Variants in SLC35D2 observed in about 807,000 individuals in gnomAD.
The protein encoded by SLC35D2 is nucleotide sugar transporter SLC35D2.
A neutral mutation model predicts 41.8 loss-of-function variants in SLC35D2; 43 were observed. The observed-to-expected ratio is 1.03, with a 90% CI of 0.81 to 1.33. The LOEUF is 1.33. Ranked by LOEUF, SLC35D2 falls within the 40% of genes most tolerant of loss-of-function variation. The pLI, the probability that SLC35D2 is intolerant of heterozygous loss-of-function variation, is 0.00. For synonymous variants in SLC35D2, 150 were observed against 163.9 expected (o/e 0.92, Z 0.65); for missense variants, 380 against 408.4 (o/e 0.93, Z 0.60).
chr9:96,319,699 C>T (rs1828143276), downstream of SLC35D2, among the ~76,000 whole-genome samples: 1 of 151,994 alleles, frequency 6.6e-6, no homozygotes, highest in African/African-American at 2.4e-5. Context: ...ATGTTTCGGC[C>T]ATGTTACCCA....
intron 6 of SLC35D2, among the ~76,000 whole-genome samples, chr9:96,348,494 G>A (rs990485358): frequency 1.3e-5 from 2 of 152,170 alleles, no homozygotes; most frequent in African/African-American, 2.4e-5. Flanking sequence ...AGCTACTGCC[G>A]TGTGGAGGTT....
At chr9:96,362,644 T>C (rs1330751817) in intron 3 of SLC35D2, among the ~76,000 whole-genome samples, 2 of 152,152 alleles carry the variant, frequency 1.3e-5, no homozygotes, top group Non-Finnish European at 2.9e-5. Context: ...ACCTAAATAA[T>C]GGTTTACAAG....
rs762112743 is a variant in SLC35D2 at position 96,383,503 on chromosome 9, GACAAGC to G, written c.126_131del (p.Leu43_Val44del). On this transcript the variant is annotated inframe_deletion, in exon 1 of 12. Coordinates refer to ENST00000253270, the MANE Select transcript of SLC35D2 (RefSeq NM_007001.3). ...CGTAGGTGGTCAGCAGCGCCTTGTT[GACAAGC>G]ACGATGAGGAAGGAGCAGGTCCCGT... 10 of 1,537,374 alleles carry G rather than the reference GACAAGC, an allele frequency of 6.5e-6. No homozygotes were observed. In the African/African-American group the frequency reaches 1.4e-4, roughly 22 times the overall value.
downstream of SLC35D2, among the ~76,000 whole-genome samples, chr9:96,318,966 A>T (rs1828122773): frequency 6.6e-6 from 1 of 152,236 alleles, no homozygotes; most frequent in Admixed American, 6.5e-5. Context: ...GCAGGTCCTC[A>T]AAAACCTAAA....
chr9:96,373,685 CA>C (rs11315245), intron 1 of SLC35D2, among the ~76,000 whole-genome samples: 31,745 of 114,028 alleles, frequency 0.28, 4,740 homozygotes, highest in African/African-American at 0.5. Context: ...AAGACTCTCT[CA>C]AAAAAAAAAA....
At chr9:96,366,388 T>C (rs957311938) in intron 2 of SLC35D2, among the ~76,000 whole-genome samples, 18 of 151,806 alleles carry the variant, frequency 1.2e-4, no homozygotes, top group Middle Eastern at 3.4e-3. Context: ...ACTTTTAAAA[T>C]TAGATCTAAC....
chr9:96,380,187 G>A (rs113385822), intron 1 of SLC35D2, among the ~76,000 whole-genome samples: 2,852 of 152,040 alleles, frequency 0.019, 82 homozygotes, highest in African/African-American at 0.065. Context: ...GTGAGCCACC[G>A]CGCCCGGCCC....
At chr9:96,360,474 C>T (rs1043111399) in intron 3 of SLC35D2, among the ~76,000 whole-genome samples, 1 of 151,336 alleles carries the variant, frequency 6.6e-6, no homozygotes, top group Non-Finnish European at 1.5e-5. Context: ...ACTAAAAATA[C>T]AAAAATTAAT....
chr9:96,331,073 T>A (rs575506665), intron 9 of SLC35D2, among the ~76,000 whole-genome samples: 27 of 152,296 alleles, frequency 1.8e-4, no homozygotes, highest in African/African-American at 6.5e-4. Flanking sequence ...GATTTTTGTA[T>A]ATTTAGTAGA....
chr9:96,344,167 A>G (rs1310085157), intron 7 of SLC35D2, among the ~76,000 whole-genome samples, 171 bp from the exon 8 acceptor site: 2 of 152,186 alleles, frequency 1.3e-5, no homozygotes, highest in African/African-American at 4.8e-5. Flanking sequence ...GTTTGAGGGT[A>G]CTGAGATTTT....
intron 4 of SLC35D2, chr9:96,357,444 A>T (rs1830072921): frequency 6.6e-6 from 1 of 152,104 alleles, no homozygotes. Context: ...GCTGAGGTGG[A>T]GAATCATTTG....
intron 8 of SLC35D2, among the ~76,000 whole-genome samples, 168 bp downstream of exon 8, chr9:96,343,736 A>G (rs1829442941): frequency 6.6e-6 from 1 of 152,216 alleles, no homozygotes; most frequent in Non-Finnish European, 1.5e-5. Flanking sequence ...TGCCAATGCA[A>G]GGGTAGTGCC....
At chr9:96,344,623 G>A (rs1279485049) in intron 7 of SLC35D2, among the ~76,000 whole-genome samples, 1 of 145,404 alleles carries the variant, frequency 6.9e-6, no homozygotes, top group East Asian at 2.1e-4. Context: ...TAAGCCTGTT[G>A]GTCAGAGTGA....
chr9:96,319,968 A>G (rs1828150875), downstream of SLC35D2, among the ~76,000 whole-genome samples: 1 of 152,198 alleles, frequency 6.6e-6, no homozygotes, highest in Non-Finnish European at 1.5e-5. Flanking sequence ...AGGTCTCCCG[A>G]GTTTAATAGT....
At chr9:96,348,777 G>T (rs1009036588) in intron 6 of SLC35D2, among the ~76,000 whole-genome samples, 1 of 152,126 alleles carries the variant, frequency 6.6e-6, no homozygotes, top group Non-Finnish European at 1.5e-5. Flanking sequence ...TAGGAACCCC[G>T]ATTTACCCTT....
intron 9 of SLC35D2, among the ~76,000 whole-genome samples, chr9:96,333,855 C>T (rs927650423): frequency 2.0e-5 from 3 of 152,134 alleles, no homozygotes; most frequent in Admixed American, 6.6e-5. Context: ...TGAAACTTTG[C>T]TCTCCTGTTC....
chr9:96,352,097 G>A lies in SLC35D2; in HGVS notation c.360C>T (p.Phe120=), dbSNP rs1286511348. 2 of 1,611,688 alleles carry A rather than the reference G, an allele frequency of 1.2e-6. No individual in the cohort carries two copies. The highest frequency in any genetic ancestry group is 1.7e-6 in the Non-Finnish European group (2 of 1,178,506). ...GAATGGTGAATTTCCTGAGCACGGT[G>A]AACATCGGTAGGCTGCCAGGAAAAG... ...SSTSKLSLPM[F]TVLRKFTIPL... Residue 120 remains phenylalanine, a synonymous_variant, in exon 5 of 12, where the codon TTC becomes TTT. Coordinates refer to ENST00000253270, the MANE Select transcript of SLC35D2 (RefSeq NM_007001.3).
At chr9:96,370,725 T>C (rs1307906578) in intron 1 of SLC35D2, among the ~76,000 whole-genome samples, 2 of 151,910 alleles carry the variant, frequency 1.3e-5, no homozygotes, top group Non-Finnish European at 2.9e-5. Context: ...AGAAGATAAG[T>C]CAAAGAGCCC....
chr9:96,323,792 GGCA>G (rs2130833572), intron 10 of SLC35D2, among the ~76,000 whole-genome samples: 1 of 152,162 alleles, frequency 6.6e-6, no homozygotes, highest in East Asian at 1.9e-4. Flanking sequence ...CGGGTGTGGT[GGCA>G]GGCGCCTGTA....
Sources: gnomAD v4.1 joint callset for allele counts (sites outside exome capture counted in the v4.1 genomes callset) on GRCh38, gnomAD v4.1.1 for gene constraint, MANE v1.5 for transcripts, NCBI Gene and HGNC (gene_info 2026-07-23, HGNC 2026-07-21) for gene names.